SND1: variants seen among roughly 807,000 people sequenced by gnomAD.
The protein encoded by SND1 is staphylococcal nuclease and tudor domain containing 1.
SND1 carries 38 observed loss-of-function variants against 121.7 expected under a neutral mutation model. The observed-to-expected ratio is 0.31, with a 90% CI of 0.24 to 0.41. The LOEUF is 0.41. Ranked by LOEUF, SND1 falls within the 10% of genes least tolerant of loss-of-function variation. The pLI is 1.00. For missense variants in SND1, 868 were observed against 1,184.6 expected (o/e 0.73, Z 3.92); for synonymous variants, 401 against 447.4 (o/e 0.90, Z 1.31).
intron 12 of SND1, among the ~76,000 whole-genome samples, chr7:127,850,769 GAGT>G (rs1252985491): frequency 6.6e-6 from 1 of 152,142 alleles, no homozygotes; most frequent in African/African-American, 2.4e-5. Context: ...CTCCTGTGTT[GAGT>G]AGTAGAAGTG....
intron 13 of SND1, among the ~76,000 whole-genome samples, chr7:127,890,006 C>G (rs1057111658): frequency 7.2e-5 from 11 of 152,032 alleles, no homozygotes; most frequent in Non-Finnish European, 1.3e-4. Context: ...GATATCTCTT[C>G]GATATACTAA....
chr7:127,754,680 G>A (rs1797162291), intron 10 of SND1, among the ~76,000 whole-genome samples: 1 of 152,240 alleles, frequency 6.6e-6, no homozygotes. Context: ...ACACTACATG[G>A]CCAAGACCAG....
At chr7:127,791,553 G>A (rs1584575533) in intron 10 of SND1, among the ~76,000 whole-genome samples, 1 of 151,836 alleles carries the variant, frequency 6.6e-6, no homozygotes, top group Non-Finnish European at 1.5e-5. Flanking sequence ...TCACTTTATT[G>A]TGAAACATAT....
chr7:127,834,126 T>G (rs1369385575), intron 11 of SND1, among the ~76,000 whole-genome samples: 1 of 152,238 alleles, frequency 6.6e-6, no homozygotes, highest in African/African-American at 2.4e-5. Flanking sequence ...CTTCCACCTT[T>G]GGCTGTTGTA....
intron 16 of SND1, among the ~76,000 whole-genome samples, chr7:128,011,176 G>A (rs1803109285): frequency 6.6e-6 from 1 of 151,944 alleles, no homozygotes. Flanking sequence ...GAGGCTCAGA[G>A]TTTGCCAGAA....
chr7:127,720,834 T>C (rs1304110575), intron 9 of SND1, among the ~76,000 whole-genome samples: 1 of 152,222 alleles, frequency 6.6e-6, no homozygotes, highest in Non-Finnish European at 1.5e-5. Flanking sequence ...TTCTGCTCTC[T>C]ATTGGGGCAT....
intron 16 of SND1, among the ~76,000 whole-genome samples, chr7:128,020,462 A>G (rs1474986028): frequency 2.0e-5 from 3 of 152,200 alleles, no homozygotes; most frequent in East Asian, 1.9e-4. Context: ...ATCACCAGCT[A>G]TGTGACACCT....
intron 15 of SND1, among the ~76,000 whole-genome samples, chr7:127,953,905 G>T (rs1290739924): frequency 6.6e-6 from 1 of 152,214 alleles, no homozygotes; most frequent in Non-Finnish European, 1.5e-5. Flanking sequence ...TGAAATTTCA[G>T]CATTCAGTGT....
intron 16 of SND1, among the ~76,000 whole-genome samples, chr7:128,073,463 C>G (rs1793449982): frequency 6.6e-6 from 1 of 152,154 alleles, no homozygotes. Flanking sequence ...CCGCTACCTT[C>G]TCTCTGCACA....
intron 16 of SND1, among the ~76,000 whole-genome samples, chr7:128,001,509 C>CTA (rs1411172917): frequency 1.3e-5 from 2 of 152,214 alleles, no homozygotes; most frequent in Non-Finnish European, 2.9e-5. Flanking sequence ...ATTGCCTCAC[C>CTA]TATGTAAGGA....
chr7:127,719,371 G>C (rs1796448642), intron 9 of SND1, among the ~76,000 whole-genome samples: 1 of 152,086 alleles, frequency 6.6e-6, no homozygotes, highest in African/African-American at 2.4e-5. Flanking sequence ...TGGTTATACT[G>C]TCTAGACAGT....
At chr7:127,825,366 C>A (rs1266167604) in intron 11 of SND1, among the ~76,000 whole-genome samples, 1 of 151,652 alleles carries the variant, frequency 6.6e-6, no homozygotes, top group Non-Finnish European at 1.5e-5. Flanking sequence ...GCCTTGGCCT[C>A]CCAAAGTGCT....
chr7:127,837,959 A>G (rs761236640), intron 11 of SND1, among the ~76,000 whole-genome samples: 10 of 152,202 alleles, frequency 6.6e-5, no homozygotes, highest in Non-Finnish European at 1.3e-4. Context: ...CACTTCAACA[A>G]GGGAGGGGAA....
chr7:127,757,018 A>G (rs1024650739), intron 10 of SND1, among the ~76,000 whole-genome samples: 1 of 152,200 alleles, frequency 6.6e-6, no homozygotes, highest in Non-Finnish European at 1.5e-5. Context: ...ATATATCTAT[A>G]TGCATAAACC....
chr7:127,836,536 TTTTCTGAACGTA>T (rs1466759534), intron 11 of SND1, among the ~76,000 whole-genome samples: 4 of 152,276 alleles, frequency 2.6e-5, no homozygotes, highest in African/African-American at 9.6e-5. Flanking sequence ...ATGTATAATT[TTTTCTGAACGTA>T]TTTATAAAGG....
intron 10 of SND1, among the ~76,000 whole-genome samples, chr7:127,758,151 A>G (rs1797232877): frequency 6.6e-6 from 1 of 152,260 alleles, no homozygotes; most frequent in Admixed American, 6.5e-5. Flanking sequence ...TTGTGAACTT[A>G]CTATGCAAAG....
intron 12 of SND1, chr7:127,857,772 C>A: frequency 1.5e-6 from 1 of 652,520 alleles, no homozygotes; most frequent in East Asian, 2.6e-5. Flanking sequence ...CCAACTTCCT[C>A]ACTGCCTGAG....
chr7:128,061,633 A>G (rs1425077138), intron 16 of SND1, among the ~76,000 whole-genome samples: 1 of 152,246 alleles, frequency 6.6e-6, no homozygotes, highest in Non-Finnish European at 1.5e-5. Context: ...GCCATGCCAT[A>G]TTTTAATTGT....
At chr7:128,031,011 A>T (rs1244712807) in intron 16 of SND1, 1 of 149,886 alleles carries the variant, frequency 6.7e-6, no homozygotes, top group Non-Finnish European at 1.5e-5. Context: ...GTTTTAATTA[A>T]CAAAAGGGGG....
Sources: allele counts gnomAD v4.1 joint callset (sites outside exome capture counted in the v4.1 genomes callset), GRCh38; gene constraint gnomAD v4.1.1; transcripts MANE v1.5; gene names NCBI Gene and HGNC (gene_info 2026-07-23, HGNC 2026-07-21).